The following TENM3 variants were observed in gnomAD, a reference collection of about 807,000 sequenced individuals.
TENM3 encodes teneurin transmembrane protein 3.
In TENM3, 63 loss-of-function variants were observed where a neutral mutation model predicts 255.1. The ratio of observed to expected loss-of-function variants is 0.25; its 90% CI spans 0.20 to 0.30. The LOEUF (loss-of-function observed/expected upper bound fraction) is 0.30, where lower values mean the gene tolerates loss of function less well. TENM3 is among the 10% of genes least tolerant of loss of function. TENM3 has a pLI of 1.00. For synonymous variants in TENM3, 1,306 were observed against 1,322.3 expected (o/e 0.99, Z 0.27); for missense variants, 2,929 against 3,461.1 (o/e 0.85, Z 3.86).
rs546690863 is a variant in TENM3 at position 182,275,144 on chromosome 4, A to C, written c.-76+31668A>C. ...CCAGCAGTATTTTTTATTTAATTGG[A>C]GTGTTGATTAGTTGGTTAGTTTTTA... is the stretch of plus-strand genomic sequence containing the variant. On this transcript the variant is annotated intron_variant, in intron 1 of 27. Coordinates refer to ENST00000511685, the MANE Select transcript of TENM3 (RefSeq NM_001080477.4). Among the ~76,000 whole-genome samples the C allele has an allele frequency of 4.1e-3, 617 of 151,816 alleles. 3 individuals are homozygous for C. Among genetic ancestry groups the C allele is most frequent in the African/African-American group, 0.014 (576 of 41,386 alleles).
chr4:181,463,043 G>T, the TENM3 span, among the ~76,000 whole-genome samples: 2 of 152,112 alleles, frequency 1.3e-5, no homozygotes. Flanking sequence ...TGGTATTCAA[G>T]ACCATTGGTA....
At chr4:182,139,263 A>G (rs1390092348), upstream of TENM3, among the ~76,000 whole-genome samples, 1 of 152,202 alleles carries the variant, frequency 6.6e-6, no homozygotes, top group South Asian at 2.1e-4. Context: ...TTTAAAAACT[A>G]TGTGTTCCAG....
chr4:182,640,880 A>G lies in TENM3; in HGVS notation c.988+11991A>G, dbSNP rs76511089. Among the ~76,000 whole-genome samples, 68 of 152,356 alleles carry G rather than the reference A, an allele frequency of 4.5e-4. 2 individuals carry two copies. The East Asian group carries it at 7.3e-3, about 16-fold the overall frequency. On this transcript the variant is annotated intron_variant, in intron 5 of 27. Coordinates refer to ENST00000511685, the MANE Select transcript of TENM3 (RefSeq NM_001080477.4). Reference sequence around the variant, plus strand: ...AGGGAGCAAATGGAACGCAGGCTTCATAAGAACGTTTTTCTCCTCTGCCTG... The same window carrying G: ...AGGGAGCAAATGGAACGCAGGCTTCGTAAGAACGTTTTTCTCCTCTGCCTG...
At chr4:182,063,369 A>G in the TENM3 span, among the ~76,000 whole-genome samples, 2 of 152,224 alleles carry the variant, frequency 1.3e-5, no homozygotes, top group Admixed American at 6.5e-5. Context: ...CTTAAAAGTA[A>G]CAGATTTGCA....
the TENM3 span, among the ~76,000 whole-genome samples, chr4:182,041,174 C>G: frequency 6.6e-6 from 1 of 152,062 alleles, no homozygotes; most frequent in South Asian, 2.1e-4. Flanking sequence ...TCCAGGCTAT[C>G]TCGTGCTGTG....
chr4:182,688,060 G>A, intron 11 of TENM3, 106 bp from the exon 12 acceptor site: 2 of 1,086,390 alleles, frequency 1.8e-6, no homozygotes, highest in Non-Finnish European at 1.3e-6. Flanking sequence ...ATGATTTTGT[G>A]TTTCCCTTGA....
At chr4:182,699,131 G>A (rs936299902) in intron 12 of TENM3, among the ~76,000 whole-genome samples, 7 of 152,196 alleles carry the variant, frequency 4.6e-5, no homozygotes, top group African/African-American at 7.2e-5. Flanking sequence ...ATTTCTTTCC[G>A]GTCTACCTCC....
chr4:181,604,911 T>G, the TENM3 span, among the ~76,000 whole-genome samples: 1 of 152,202 alleles, frequency 6.6e-6, no homozygotes, highest in Non-Finnish European at 1.5e-5. Context: ...ATCTGGAGAA[T>G]AGGGTGATAA....
At chr4:181,693,448 C>A in the TENM3 span, among the ~76,000 whole-genome samples, 9 of 152,104 alleles carry the variant, frequency 5.9e-5, no homozygotes, top group Non-Finnish European at 1.2e-4. Context: ...GTGGAGATGG[C>A]CCTGAGTGCC....
At chr4:182,164,930 A>T (rs1415416735) in intron 1 of TENM3, among the ~76,000 whole-genome samples, 1 of 152,170 alleles carries the variant, frequency 6.6e-6, no homozygotes, top group Non-Finnish European at 1.5e-5. Flanking sequence ...TTTGGAAATG[A>T]GATACTCCTC....
chr4:182,009,974 G>T, the TENM3 span, among the ~76,000 whole-genome samples: 3 of 152,070 alleles, frequency 2.0e-5, no homozygotes, highest in African/African-American at 7.2e-5. Flanking sequence ...TGGCTCTCAG[G>T]TGGGCCACCA....
At chr4:182,634,804 C>T (rs1440492651) in intron 5 of TENM3, among the ~76,000 whole-genome samples, 5 of 151,930 alleles carry the variant, frequency 3.3e-5, no homozygotes, top group South Asian at 2.1e-4. Flanking sequence ...GTCTGTTCAC[C>T]GTTACACGAT....
At chr4:182,442,719 C>T (rs1269674569) in intron 3 of TENM3, among the ~76,000 whole-genome samples, 1 of 151,744 alleles carries the variant, frequency 6.6e-6, no homozygotes, top group Non-Finnish European at 1.5e-5. Flanking sequence ...AGCCTCCAGA[C>T]TAACTGGGAC....
the TENM3 span, among the ~76,000 whole-genome samples, chr4:181,605,584 G>GAAAAGAAAGAGAGAGAGAGAGA: frequency 7.2e-5 from 5 of 69,142 alleles, 1 homozygote; most frequent in African/African-American, 2.3e-4. Context: ...GAGAAAGAAA[G>GAAAAGAAAGAGAGAGAGAGAGA]GAAAGAAAGA....
chr4:181,505,629 G>A, the TENM3 span, among the ~76,000 whole-genome samples: 3 of 152,042 alleles, frequency 2.0e-5, no homozygotes, highest in African/African-American at 4.8e-5. Flanking sequence ...TAATAGGATG[G>A]GCTGTGTGAC....
intron 1 of TENM3, among the ~76,000 whole-genome samples, chr4:182,172,859 T>A (rs1752200320): frequency 6.6e-6 from 1 of 152,164 alleles, no homozygotes; most frequent in Admixed American, 6.5e-5. Context: ...GTAATAGTAG[T>A]GAATATCTTG....
At chr4:181,802,374 C>T in the TENM3 span, among the ~76,000 whole-genome samples, 1 of 152,142 alleles carries the variant, frequency 6.6e-6, no homozygotes, top group Non-Finnish European at 1.5e-5. Flanking sequence ...ATGGAATCCG[C>T]TGTAGCCCAT....
the TENM3 span, among the ~76,000 whole-genome samples, chr4:181,984,909 T>G: frequency 6.6e-6 from 1 of 150,870 alleles, no homozygotes; most frequent in East Asian, 2.0e-4. Context: ...ACTAGAGAAG[T>G]AGGGAAAAGT....
At chr4:181,740,705 A>C in the TENM3 span, among the ~76,000 whole-genome samples, 1 of 152,128 alleles carries the variant, frequency 6.6e-6, no homozygotes, top group Non-Finnish European at 1.5e-5. Flanking sequence ...AAAAGTCAAG[A>C]AAAAGGTGGT....
Sources: allele counts gnomAD v4.1 joint callset (sites outside exome capture counted in the v4.1 genomes callset), GRCh38; gene constraint gnomAD v4.1.1; transcripts MANE v1.5; gene names NCBI Gene and HGNC (gene_info 2026-07-23, HGNC 2026-07-21).